The following CACNA2D1 variants were observed in gnomAD, a reference collection of about 807,000 sequenced individuals.
CACNA2D1 encodes calcium voltage-gated channel auxiliary subunit alpha2delta 1.
CACNA2D1 carries 53 observed loss-of-function variants against 171.5 expected under a neutral mutation model. That is an observed-to-expected ratio of 0.31 (90% CI 0.25 to 0.39). The LOEUF (loss-of-function observed/expected upper bound fraction) is 0.39. CACNA2D1 is among the 10% of genes least tolerant of loss of function. The probability of loss-of-function intolerance (pLI) is 1.00; values close to 1 mark genes in which losing one functional copy is unlikely to be tolerated. For missense variants in CACNA2D1, 903 were observed against 1,299.8 expected, an observed-to-expected ratio of 0.69 and a Z score of 4.69; for synonymous variants, 442 against 443.1, an observed-to-expected ratio of 1.00 and a Z score of 0.03.
chr7:82,371,576 ATTTT>A (rs1285832208), intron 1 of CACNA2D1, among the ~76,000 whole-genome samples: 1 of 151,882 alleles, frequency 6.6e-6, no homozygotes, highest in Non-Finnish European at 1.5e-5. Context: ...ATTTTATTTT[ATTTT>A]ATTATTATTA....
intron 5 of CACNA2D1, 84 bp from the exon 6 acceptor site, chr7:82,117,257 A>G (rs752751332): frequency 2.3e-6 from 3 of 1,312,056 alleles, no homozygotes; most frequent in Non-Finnish European, 3.2e-6. Context: ...TGCCAAATGC[A>G]TATTTTTCAA....
At chr7:82,108,298 C>A (rs182194914) in intron 6 of CACNA2D1, among the ~76,000 whole-genome samples, 152 of 152,204 alleles carry the variant, frequency 1.0e-3, no homozygotes, top group Non-Finnish European at 2.0e-3. Flanking sequence ...GTACTATGAA[C>A]CTCCAAAGAA....
chr7:82,427,112 G>T (rs1471814781), intron 1 of CACNA2D1, among the ~76,000 whole-genome samples: 5 of 152,122 alleles, frequency 3.3e-5, no homozygotes, highest in Non-Finnish European at 7.4e-5. Context: ...GTCCCTAGTG[G>T]ATAAGGGGGA....
At chr7:82,213,585 T>C (rs1468715373) in intron 3 of CACNA2D1, among the ~76,000 whole-genome samples, 1 of 152,080 alleles carries the variant, frequency 6.6e-6, no homozygotes, top group Non-Finnish European at 1.5e-5. Flanking sequence ...AATAGAATAA[T>C]GCACACCTAA....
At chr7:82,432,945 G>A (rs2368027) in intron 1 of CACNA2D1, among the ~76,000 whole-genome samples, 10,076 of 152,198 alleles carry the variant, frequency 0.066, 370 homozygotes, top group Middle Eastern at 0.1. Flanking sequence ...TAGCACTTTG[G>A]GAGGCCAAGG....
chr7:81,973,792 T>C (rs866007673), intron 25 of CACNA2D1, among the ~76,000 whole-genome samples: 1 of 152,066 alleles, frequency 6.6e-6, no homozygotes, highest in African/African-American at 2.4e-5. Flanking sequence ...TTAGATTTTT[T>C]AATGATTTAA....
chr7:82,395,705 T>C (rs1331549415), intron 1 of CACNA2D1, among the ~76,000 whole-genome samples: 1 of 152,216 alleles, frequency 6.6e-6, no homozygotes, highest in South Asian at 2.1e-4. Context: ...CTAACAGGCA[T>C]GCCTACCTGC....
chr7:82,330,728 A>G (rs943938163), intron 3 of CACNA2D1, among the ~76,000 whole-genome samples: 1 of 152,188 alleles, frequency 6.6e-6, no homozygotes, highest in African/African-American at 2.4e-5. Context: ...AGATCATCGA[A>G]TGCTTATTCA....
At chr7:82,419,933 G>A (rs1828563720) in intron 1 of CACNA2D1, among the ~76,000 whole-genome samples, 1 of 152,156 alleles carries the variant, frequency 6.6e-6, no homozygotes, top group Non-Finnish European at 1.5e-5. Flanking sequence ...GTCATGACTT[G>A]AGGAGGGATT....
intron 1 of CACNA2D1, among the ~76,000 whole-genome samples, chr7:82,434,719 T>G (rs904832222): frequency 6.6e-6 from 1 of 152,196 alleles, no homozygotes; most frequent in Non-Finnish European, 1.5e-5. Context: ...ACCGAATTCC[T>G]GGAAGAAACA....
intron 1 of CACNA2D1, among the ~76,000 whole-genome samples, chr7:82,381,821 T>C (rs536415191): frequency 8.5e-5 from 13 of 152,324 alleles, no homozygotes; most frequent in African/African-American, 3.1e-4. Context: ...TTTTAATAGC[T>C]ATGTAACATC....
chr7:82,223,182 A>G (rs1242235450), intron 3 of CACNA2D1, among the ~76,000 whole-genome samples: 3 of 152,148 alleles, frequency 2.0e-5, no homozygotes, highest in African/African-American at 7.2e-5. Flanking sequence ...CTGGGATTAT[A>G]GGCCTGAGCC....
At chr7:82,177,062 G>T (rs992664486) in intron 3 of CACNA2D1, among the ~76,000 whole-genome samples, 5 of 101,054 alleles carry the variant, frequency 4.9e-5, no homozygotes, top group Non-Finnish European at 7.3e-5. Flanking sequence ...TTAGCTACAG[G>T]TCTCTATTTT....
intron 2 of CACNA2D1, among the ~76,000 whole-genome samples, chr7:82,343,907 GC>G (rs1395022798): frequency 1.3e-5 from 2 of 152,218 alleles, no homozygotes; most frequent in East Asian, 3.9e-4. Context: ...TTTAAAAGCA[GC>G]CCAGTTTAAT....
At chr7:82,043,284 T>G in intron 10 of CACNA2D1, among the ~76,000 whole-genome samples, 1 of 152,158 alleles carries the variant, frequency 6.6e-6, no homozygotes, top group East Asian at 1.9e-4. Flanking sequence ...AATAAAGATA[T>G]ACAGAACATC....
chr7:82,387,354 A>G (rs760382797), intron 1 of CACNA2D1, among the ~76,000 whole-genome samples: 2 of 152,116 alleles, frequency 1.3e-5, no homozygotes, highest in Non-Finnish European at 2.9e-5. Context: ...TTAAAAAAAG[A>G]AAGGCATTTT....
chr7:82,296,348 C>G (rs982393520), intron 3 of CACNA2D1, among the ~76,000 whole-genome samples: 6 of 151,898 alleles, frequency 4.0e-5, no homozygotes, highest in African/African-American at 1.5e-4. Flanking sequence ...CATCTCAGAG[C>G]ATTTCTGACA....
intron 19 of CACNA2D1, among the ~76,000 whole-genome samples, chr7:81,995,188 T>C (rs529037759): frequency 2.0e-5 from 3 of 152,272 alleles, no homozygotes; most frequent in East Asian, 3.9e-4. Context: ...CTGTTGGTAG[T>C]TTTTGAAACG....
At chr7:82,286,977 A>G (rs910506190) in intron 3 of CACNA2D1, among the ~76,000 whole-genome samples, 1 of 152,196 alleles carries the variant, frequency 6.6e-6, no homozygotes, top group African/African-American at 2.4e-5. Context: ...TGCATCCTGC[A>G]CCATTTAACA....
Sources: allele counts gnomAD v4.1 joint callset (sites outside exome capture counted in the v4.1 genomes callset), GRCh38; gene constraint gnomAD v4.1.1; transcripts MANE v1.5; gene names NCBI Gene and HGNC (gene_info 2026-07-23, HGNC 2026-07-21).